Variants in COL22A1 observed in about 807,000 individuals in gnomAD.
COL22A1 encodes the protein collagen type XXII alpha 1 chain, also known as collagen alpha-1(XXII) chain.
Under a neutral mutation model 248.9 loss-of-function variants are expected in COL22A1, and 221 were observed. That is an observed-to-expected ratio of 0.89 (90% CI 0.80 to 0.99). The LOEUF (loss-of-function observed/expected upper bound fraction) is 0.99. Among genes scored for constraint, COL22A1 ranks in the 50% least tolerant of loss-of-function variants. The probability of loss-of-function intolerance (pLI) is 0.00; values close to 1 mark genes in which losing one functional copy is unlikely to be tolerated. For synonymous variants in COL22A1, 891 were observed against 793.4 expected, an observed-to-expected ratio of 1.12 and a Z score of -2.07; for missense variants, 2,240 against 2,179.0, an observed-to-expected ratio of 1.03 and a Z score of -0.56.
At position 138,598,702 on chromosome 8, in the gene COL22A1, C is replaced by T. The variant is rs757428819; in HGVS notation, c.4365+17G>A. The T allele has an allele frequency of 3.1e-6, 5 of 1,606,936 alleles. No individual in the cohort carries two copies. In the African/African-American group the frequency reaches 5.4e-5, roughly 17 times the overall value. On this transcript the variant is annotated intron_variant, in intron 61 of 64. Coordinates refer to ENST00000303045, the MANE Select transcript of COL22A1 (RefSeq NM_152888.3). Reference sequence around the variant, plus strand: ...CCCCGAGGAGCCCCGAGTCCAAAGCCATATTAGCATCCTTACCCTCAGTCC... The same window carrying T: ...CCCCGAGGAGCCCCGAGTCCAAAGCTATATTAGCATCCTTACCCTCAGTCC...
In COL22A1 at chr8:138,742,081, G is replaced by A. The variant is rs111206257; in HGVS notation, c.2086-4504C>T. ...TGGTAGAGTTGATGGTGATGGTGAT[G>A]ATGGTGATGATAGTAGCCATGGTGA... On this transcript the variant is annotated intron_variant, in intron 22 of 64. Transcript: ENST00000303045. 9.6e-3 allele frequency among the ~76,000 whole-genome samples: 1,454 copies of A among 151,344 alleles called. 45 individuals carry two copies. The highest frequency in any genetic ancestry group is 0.034 in the African/African-American group (1,390 of 40,962).
chr8:138,909,625 T>C (rs1322157776), intron 1 of COL22A1, among the ~76,000 whole-genome samples: 1 of 152,214 alleles, frequency 6.6e-6, no homozygotes, highest in African/African-American at 2.4e-5. Context: ...CAGCCAGGGT[T>C]AACTAGTAGT....
intron 23 of COL22A1, among the ~76,000 whole-genome samples, chr8:138,736,356 G>T (rs1255192755): frequency 2.0e-5 from 3 of 151,998 alleles, no homozygotes; most frequent in Admixed American, 2.0e-4. Context: ...AGCTTCAGGG[G>T]CTTGCCATGT....
chr8:138,634,700 T>C (rs1206585880), intron 49 of COL22A1, among the ~76,000 whole-genome samples: 1 of 152,136 alleles, frequency 6.6e-6, no homozygotes, highest in Non-Finnish European at 1.5e-5. Flanking sequence ...GCCATCATAA[T>C]CTTGAAATAC....
At chr8:138,603,757 A>G (rs1220432601) in intron 59 of COL22A1, among the ~76,000 whole-genome samples, 1 of 152,202 alleles carries the variant, frequency 6.6e-6, no homozygotes, top group African/African-American at 2.4e-5. Context: ...ACACTTTCCG[A>G]ATATGAAGCT....
In COL22A1 at chr8:138,594,087, G is replaced by C; in HGVS notation, c.4545C>G (p.Gly1515=). ...PGKDGLPGRA[G]PMGEPGRPGQ... ...CAGGACGACCTGGCTCCCCCATGGG[G>C]CCGGCCCGGCCTGGAAGCCCATCTT... The change falls in exon 63 of 65, where the codon GGC becomes GGG. Residue 1515 remains glycine, a synonymous_variant. Transcript: ENST00000303045. 5.0e-6 allele frequency: 8 copies of C among 1,585,988 alleles called. No individual in the cohort carries two copies. The highest frequency in any genetic ancestry group is 6.8e-6 in the Non-Finnish European group (8 of 1,170,856).
intron 18 of COL22A1, among the ~76,000 whole-genome samples, chr8:138,759,897 T>G (rs1178572279): frequency 1.3e-5 from 2 of 152,070 alleles, no homozygotes; most frequent in South Asian, 2.1e-4. Flanking sequence ...TTTTTAATAT[T>G]TATTTATAGC....
intron 37 of COL22A1, among the ~76,000 whole-genome samples, chr8:138,687,159 G>A (rs1175252685): frequency 6.6e-6 from 1 of 152,184 alleles, no homozygotes; most frequent in African/African-American, 2.4e-5. Flanking sequence ...GTTTCACCAT[G>A]TTGGCCAGGC....
chr8:138,659,756 G>A (rs1823616731), intron 44 of COL22A1, among the ~76,000 whole-genome samples: 1 of 152,192 alleles, frequency 6.6e-6, no homozygotes, highest in African/African-American at 2.4e-5. Flanking sequence ...CCTATATATA[G>A]GACTCTCGGG....
chr8:138,639,289 G>A (rs1309157279), intron 47 of COL22A1, among the ~76,000 whole-genome samples: 1 of 152,154 alleles, frequency 6.6e-6, no homozygotes, highest in Non-Finnish European at 1.5e-5. Context: ...TTTGTCTGAT[G>A]ATCAAATATC....
At chr8:138,692,446 G>C (rs1255200625) in intron 35 of COL22A1, among the ~76,000 whole-genome samples, 1 of 145,564 alleles carries the variant, frequency 6.9e-6, no homozygotes, top group African/African-American at 2.6e-5. Flanking sequence ...TGTGTGTGGA[G>C]GTGTGTGTGT....
chr8:138,800,644 T>A (rs756289688), intron 11 of COL22A1, among the ~76,000 whole-genome samples: 4 of 152,218 alleles, frequency 2.6e-5, no homozygotes, highest in Non-Finnish European at 4.4e-5. Flanking sequence ...TCAATAGAGC[T>A]GCTGATGATA....
In COL22A1 at chr8:138,812,929, G is replaced by C; in HGVS notation, c.1326+10C>G. 6.2e-7 allele frequency: 1 copy of C among 1,605,484 alleles called. No homozygotes were observed. Among genetic ancestry groups the C allele is most frequent in the Non-Finnish European group, 8.5e-7 (1 of 1,172,192 alleles). ...TTCCTCCCATCCTCTCTGTGCGAGA[G>C]TCTGCTCACCGGACCCGAGGGGATA... On this transcript the variant is annotated intron_variant, in intron 8 of 64. Transcript: ENST00000303045.
chr8:138,912,439 A>T (rs1003472323), intron 1 of COL22A1, among the ~76,000 whole-genome samples: 3 of 152,208 alleles, frequency 2.0e-5, no homozygotes, highest in African/African-American at 7.2e-5. Flanking sequence ...ACCCACGTAG[A>T]CATAGGAGTG....
At chr8:138,676,434 AAAGAAAGAAAGAAAGAAAGAAAGG>A (rs1161319959) in intron 41 of COL22A1, 100 bp downstream of exon 41, 2 of 513,308 alleles carry the variant, frequency 3.9e-6, no homozygotes, top group African/African-American at 4.0e-5. Flanking sequence ...AGAAAGAAAG[AAAGAAAGAAAGAAAGAAAGAAAGG>A]AAGAAAGAAA....
At chr8:138,788,875 A>G (rs1479172200) in intron 12 of COL22A1, among the ~76,000 whole-genome samples, 2 of 152,162 alleles carry the variant, frequency 1.3e-5, no homozygotes, top group Non-Finnish European at 2.9e-5. Flanking sequence ...AAGTATTATT[A>G]TAGTTGTTAA....
chr8:138,805,999 T>TGTAGTGGTGTGTGATG (rs1563787795), intron 10 of COL22A1, among the ~76,000 whole-genome samples: 1 of 51,000 alleles, frequency 2.0e-5, no homozygotes, highest in African/African-American at 7.5e-5. Flanking sequence ...TGATGGTGTG[T>TGTAGTGGTGTGTGATG]GTGTGTGACG....
intron 41 of COL22A1, among the ~76,000 whole-genome samples, chr8:138,665,330 A>G (rs928121131): frequency 1.3e-5 from 2 of 152,238 alleles, no homozygotes; most frequent in Non-Finnish European, 2.9e-5. Flanking sequence ...AGTAAAGGCA[A>G]TCCTTCAGTA....
At chr8:138,613,525 T>G (rs913899682) in intron 56 of COL22A1, among the ~76,000 whole-genome samples, 1 of 152,156 alleles carries the variant, frequency 6.6e-6, no homozygotes, top group Admixed American at 6.5e-5. Flanking sequence ...TCATGGTACT[T>G]GGTTACAGCA....
Sources: gnomAD v4.1 joint callset for allele counts (sites outside exome capture counted in the v4.1 genomes callset) on GRCh38, gnomAD v4.1.1 for gene constraint, MANE v1.5 for transcripts, NCBI Gene and HGNC (gene_info 2026-07-23, HGNC 2026-07-21) for gene names.